Variants in RNF123 observed in about 807,000 individuals in gnomAD.
The protein encoded by RNF123 is ring finger protein 123.
In RNF123, 86 loss-of-function variants were observed where a neutral mutation model predicts 168.5. The ratio of observed to expected loss-of-function variants is 0.51; its 90% CI spans 0.43 to 0.61. The LOEUF is 0.61. Ranked by LOEUF, RNF123 falls within the 20% of genes least tolerant of loss-of-function variation. The pLI, the probability that RNF123 is intolerant of heterozygous loss-of-function variation, is 0.00. For synonymous variants in RNF123, 666 were observed against 689.1 expected (o/e 0.97, Z 0.52); for missense variants, 1,419 against 1,729.7 (o/e 0.82, Z 3.19).
chr3:49,702,546 C>G (rs1559676801), intron 19 of RNF123, 87 bp from the exon 20 acceptor site: 3 of 1,610,338 alleles, frequency 1.9e-6, no homozygotes, highest in Non-Finnish European at 1.7e-6. Context: ...CCCTGCTTAA[C>G]CCTCGACCCT....
intron 35 of RNF123, chr3:49,717,418 T>C (rs1049404256): frequency 2.4e-5 from 4 of 165,532 alleles, no homozygotes; most frequent in Non-Finnish European, 5.3e-5. Context: ...TGTCCTGGGG[T>C]GTGGGCGAGA....
At chr3:49,719,340 G>C (rs1470715617) in intron 35 of RNF123, 1 of 1,613,412 alleles carries the variant, frequency 6.2e-7, no homozygotes, top group Admixed American at 1.7e-5. Flanking sequence ...TTAGCAGGTC[G>C]GCAGCGCAGA....
At chr3:49,700,203 C>T (rs369182780) in intron 12 of RNF123, 24 bp from the exon 13 acceptor site, 25 of 1,613,226 alleles carry the variant, frequency 1.5e-5, no homozygotes, top group Non-Finnish European at 2.0e-5. Flanking sequence ...GCCACCACCT[C>T]ACCAGTGCCT....
chr3:49,715,437 T>A (rs574676122), intron 31 of RNF123, 138 bp from the exon 32 acceptor site: 111 of 1,049,020 alleles, frequency 1.1e-4, no homozygotes, highest in Non-Finnish European at 2.9e-5. Flanking sequence ...CTCTGTCCCC[T>A]GCTTTCATGA....
chr3:49,700,525 G>A lies in RNF123; in HGVS notation c.1164G>A (p.Leu388=), dbSNP rs753825503. ...AGTTGATGATGTCTCTGCTTCGGCT[G>A]TACCGATTCTCACCCATTGTCCCAG... ...LKQLMMSLLR[L]YRFSPIVPDL... The change falls in exon 14 of 39, where the codon CTG becomes CTA. Residue 388 remains leucine, a synonymous_variant. Transcript: ENST00000327697. 3.7e-6 allele frequency: 6 copies of A among 1,614,082 alleles called. No individual in the cohort carries two copies. In the East Asian group the frequency reaches 6.7e-5, roughly 18 times the overall value.
chr3:49,721,154 A>G, intron 38 of RNF123, 31 bp from the exon 39 acceptor site: 1 of 1,614,134 alleles, frequency 6.2e-7, no homozygotes, highest in East Asian at 2.2e-5. Flanking sequence ...AGGTACATGC[A>G]GGGCAGTCCT....
intron 26 of RNF123, among the ~76,000 whole-genome samples, chr3:49,708,425 G>T (rs907699874): frequency 1.3e-5 from 2 of 152,208 alleles, no homozygotes; most frequent in Admixed American, 1.3e-4. Flanking sequence ...ATCCCCACCT[G>T]TCAGCAGATC....
chr3:49,718,111 T>C (rs755271766), intron 35 of RNF123: 3 of 1,613,570 alleles, frequency 1.9e-6, no homozygotes, highest in Non-Finnish European at 2.5e-6. Context: ...GACTACGTGC[T>C]TGTGGACGCT....
intron 31 of RNF123, among the ~76,000 whole-genome samples, chr3:49,715,139 C>T (rs983847524): frequency 6.6e-6 from 1 of 152,378 alleles, no homozygotes; most frequent in Non-Finnish European, 1.5e-5. Flanking sequence ...AGGCCAAGGG[C>T]AGCAGAGGAC....
In RNF123 at chr3:49,699,214, C is replaced by T; in HGVS notation, c.764+109C>T. On this transcript the variant is annotated intron_variant, in intron 10 of 38. Transcript: ENST00000327697. The surrounding 1 kb of genome is among the most constrained non-coding windows in gnomAD (Gnocchi z 4.8). ...ATGGGCTGGTGGCAGGCCCTGGCTG[C>T]TGCAGAGTTAGTGGGGGGCCATGTA... 1 of 1,446,422 alleles carries T rather than the reference C, an allele frequency of 6.9e-7. No individual in the cohort carries two copies. The allele number at this position is 1,446,422 out of a possible 1,614,324, so 89.6% of individuals were successfully genotyped here.
rs778930565 is a variant in RNF123, at chr3:49,699,756, A to T, written c.968A>T (p.His323Leu). 7 of 1,613,068 alleles carry T rather than the reference A, an allele frequency of 4.3e-6. No homozygotes were observed. In the Admixed American group the frequency reaches 1.2e-4, roughly 27 times the overall value. Residue 323 changes from histidine to leucine, a missense_variant, in exon 12 of 39, where the codon CAC (histidine) becomes CTC (leucine). His to Leu is a moderately conservative substitution (Grantham distance 99). Around this residue, in one of 5 missense-constraint regions of RNF123, gnomAD observed 318 missense variants for 446.6 expected, o/e 0.71. Transcript: ENST00000327697. This position sits in a 1 kb window ranked among gnomAD's most constrained non-coding sequence, Gnocchi z 4.8. ...VLLTLAHIFHHFAPLLRKVYL... is the reference protein window; with the variant it reads ...VLLTLAHIFHLFAPLLRKVYL... ...CTCACACTGGCCCACATCTTCCATC[A>T]CTTTGCACCGCTTCTGGTGAGCGGC...
rs1418226561 is a variant in RNF123 at position 49,714,108 on chromosome 3, C to T, written c.2944C>T (p.Arg982Cys). ...TCCACAGGGCTGTGGCTTCGGGTAC[C>T]GCTATACACGGCTGCCACATCTGCT... ...RLWRGCGFGYRYTRLPHLLKT... is the reference protein window; with the variant it reads ...RLWRGCGFGYCYTRLPHLLKT... Residue 982 changes from arginine to cysteine, a missense_variant, in exon 31 of 39, where the codon CGC becomes TGC. Transcript: ENST00000327697. 7 of 1,614,062 alleles carry T rather than the reference C, an allele frequency of 4.3e-6. No individual in the cohort carries two copies. The highest frequency in any genetic ancestry group is 1.7e-4 in the Middle Eastern group (1 of 6,060).
intron 12 of RNF123, 166 bp from the exon 13 acceptor site, chr3:49,700,061 C>T (rs915258029): frequency 1.0e-6 from 1 of 957,458 alleles, no homozygotes; most frequent in Admixed American, 2.7e-5. Context: ...GGGCAATGGC[C>T]TTCTTGTCCC....
chr3:49,717,556 A>ATCT, intron 35 of RNF123: 2 of 245,260 alleles, frequency 8.2e-6, no homozygotes, highest in East Asian at 1.1e-4. Flanking sequence ...CTGAGGGTGG[A>ATCT]CGGGAGGCTC....
Position 49,699,403 on chromosome 3 carries a change from G to A in RNF123, c.765-65G>A. On this transcript the variant is annotated intron_variant, in intron 10 of 38. Transcript: ENST00000327697. This position sits in a 1 kb window ranked among gnomAD's most constrained non-coding sequence, Gnocchi z 4.8. The stretch of plus-strand genomic sequence containing the variant: ...AGCCCAGGCCCCGGGGTGGGGGGTG[G>A]GCAGTGGAGAGGGAGTAGGCATGTC... The A allele has an allele frequency of 1.5e-6, 2 of 1,362,020 alleles. No individual in the cohort carries two copies. Among genetic ancestry groups the A allele is most frequent in the Non-Finnish European group, 2.0e-6 (2 of 978,486 alleles). The allele number at this position is 1,362,020 out of a possible 1,614,324, so 84.4% of individuals were successfully genotyped here.
chr3:49,703,104 AGCCTTACCT>A (rs1288222714), intron 20 of RNF123, among the ~76,000 whole-genome samples: 3 of 151,692 alleles, frequency 2.0e-5, no homozygotes, highest in Admixed American at 2.0e-4. Flanking sequence ...GGTCAGTGGG[AGCCTTACCT>A]GCCCTGGATT....
intron 24 of RNF123, 129 bp downstream of exon 24, chr3:49,705,808 C>T (rs767916982): frequency 2.7e-5 from 40 of 1,483,886 alleles, no homozygotes; most frequent in Non-Finnish European, 3.4e-5. Context: ...CATGCCTCAG[C>T]GAGGCTGGTT....
rs201576562 is a variant in RNF123 at position 49,700,038 on chromosome 3, T to TA, written c.985-188dup. The TA allele has an allele frequency of 1.5e-3, 1,193 of 791,110 alleles. 13 individuals are homozygous for TA. In the African/African-American group the frequency reaches 0.015, roughly 10 times the overall value. The allele number at this position is 791,110 out of a possible 1,614,324, so 49.0% of individuals were successfully genotyped here. A position where few individuals can be genotyped will look rare whatever the true frequency, so the allele number is the denominator to read the frequency against. On this transcript the variant is annotated intron_variant, in intron 12 of 38. Transcript: ENST00000327697. ...CAAGGAAACTGCGTGTGCCAAGCCTTAGAGGAGCCGTGGGGCAATGGCCTT... is the reference window on the plus strand; with the variant it reads ...CAAGGAAACTGCGTGTGCCAAGCCTTAAGAGGAGCCGTGGGGCAATGGCCTT...
intron 35 of RNF123, chr3:49,720,264 C>T (rs2080368580): frequency 6.5e-6 from 2 of 309,984 alleles, no homozygotes; most frequent in Non-Finnish European, 5.9e-6. Context: ...TGCAGTGAGC[C>T]GAGATCGTGC....
Sources: allele counts gnomAD v4.1 joint callset (sites outside exome capture counted in the v4.1 genomes callset), GRCh38; gene constraint gnomAD v4.1.1; regional missense constraint gnomAD v4.1.1; non-coding constraint Gnocchi (gnomAD v3.1); transcripts MANE v1.5; gene names NCBI Gene and HGNC (gene_info 2026-07-23, HGNC 2026-07-21).